The following MYO18B variants were observed in gnomAD, a reference collection of about 807,000 sequenced individuals.
MYO18B encodes the protein myosin XVIIIB.
A neutral mutation model predicts 273.0 loss-of-function variants in MYO18B; 204 were observed. The observed-to-expected ratio is 0.75, with a 90% confidence interval of 0.67 to 0.84. The LOEUF (loss-of-function observed/expected upper bound fraction) is 0.84. Among genes scored for constraint, MYO18B ranks in the 40% least tolerant of loss-of-function variants. MYO18B has a pLI of 0.00. For missense variants in MYO18B, 3,212 were observed against 3,287.6 expected (o/e 0.98, Z 0.56); for synonymous variants, 1,330 against 1,305.7 (o/e 1.02, Z -0.40).
chr22:25,988,840 CTG>C (rs1569268284), intron 39 of MYO18B, among the ~76,000 whole-genome samples: 1 of 152,194 alleles, frequency 6.6e-6, no homozygotes, highest in Non-Finnish European at 1.5e-5. Context: ...AGTGAGACAA[CTG>C]AGGGTCAGAG....
Position 26,027,640 on chromosome 22 carries a change from G to C in MYO18B, c.7666G>C (p.Asp2556His). The C allele has an allele frequency of 6.2e-7, 1 of 1,613,586 alleles. No individual in the cohort carries two copies. Among genetic ancestry groups the C allele is most frequent in the South Asian group, 1.1e-5 (1 of 90,982 alleles). Residue 2556 changes from aspartate to histidine, a missense_variant, in exon 43 of 44, where the codon GAT becomes CAT. Coordinates refer to ENST00000335473, the MANE Select transcript of MYO18B (RefSeq NM_032608.7). This position sits in a 1 kb window ranked among gnomAD's most constrained non-coding sequence, Gnocchi z 4.1. ...GCCAGGGACGGGGAGGAAAGACGAC[G>C]ATGTTGCGAGCATAATGAAGAAATA... ...REPGTGRKDDDVASIMKKYLQ... is the reference protein window; with the variant it reads ...REPGTGRKDDHVASIMKKYLQ...
chr22:25,868,831 G>A (rs1018768662), intron 22 of MYO18B, among the ~76,000 whole-genome samples: 2 of 152,206 alleles, frequency 1.3e-5, no homozygotes, highest in South Asian at 2.1e-4. Context: ...AGGAAAGCCC[G>A]TGATTATTCA....
At chr22:25,932,385 CTTTTCT>C (rs2092515899) in intron 34 of MYO18B, among the ~76,000 whole-genome samples, 2 of 135,954 alleles carry the variant, frequency 1.5e-5, no homozygotes, top group Non-Finnish European at 3.4e-5. Context: ...TTTCTCTTTT[CTTTTCT>C]TTTCTTTTTT....
At chr22:26,040,267 C>T in the MYO18B span, among the ~76,000 whole-genome samples, 3 of 152,114 alleles carry the variant, frequency 2.0e-5, no homozygotes, top group East Asian at 1.9e-4. Context: ...GGTCCATGTC[C>T]GCCCTTAGGT....
intron 3 of MYO18B, among the ~76,000 whole-genome samples, chr22:25,763,843 A>T (rs133888): frequency 6.6e-6 from 1 of 152,042 alleles, no homozygotes; most frequent in African/African-American, 2.4e-5. Flanking sequence ...GATTACTTGA[A>T]CACTATTTTT....
intron 21 of MYO18B, 44 bp from the exon 22 acceptor site, chr22:25,868,276 C>G (rs749774150): frequency 6.5e-7 from 1 of 1,528,502 alleles, no homozygotes; most frequent in Non-Finnish European, 8.9e-7. Flanking sequence ...TTAGGATCCT[C>G]CTACCTTCTA....
intron 7 of MYO18B, among the ~76,000 whole-genome samples, chr22:25,775,548 C>T (rs551296627): frequency 7.5e-4 from 114 of 152,310 alleles, no homozygotes; most frequent in African/African-American, 2.1e-3. Context: ...CAGTAACCTC[C>T]TGCCCTCTTC....
In MYO18B at chr22:25,798,073, C is replaced by T. The variant is rs1601725672; in HGVS notation, c.2497C>T (p.Leu833=). ...VWRVLAAIYH[L]GAAGACKVGR... ...GCGGGTCCTGGCAGCCATCTACCAC[C>T]TGGGTGCGGCGGGGGCCTGCAAAGG... The change falls in exon 12 of 44, where the codon CTG becomes TTG. Residue 833 remains leucine, a synonymous_variant. Coordinates refer to ENST00000335473, the MANE Select transcript of MYO18B (RefSeq NM_032608.7). The T allele has an allele frequency of 1.9e-6, 3 of 1,610,558 alleles. No individual in the cohort carries two copies.
intron 21 of MYO18B, among the ~76,000 whole-genome samples, chr22:25,858,564 C>T (rs541614579): frequency 1.3e-5 from 2 of 152,278 alleles, no homozygotes; most frequent in African/African-American, 4.8e-5. Flanking sequence ...ATATGCTTTT[C>T]GGGTACACTC....
At chr22:25,774,603 C>A (rs150301643) in intron 7 of MYO18B, among the ~76,000 whole-genome samples, 1 of 152,218 alleles carries the variant, frequency 6.6e-6, no homozygotes, top group African/African-American at 2.4e-5. Flanking sequence ...CCGCACCCTT[C>A]CCTCAAGTCT....
chr22:25,797,915 G>A (rs775882823), intron 11 of MYO18B, 38 bp from the exon 12 acceptor site: 10 of 1,613,716 alleles, frequency 6.2e-6, no homozygotes, highest in Admixed American at 3.3e-5. Context: ...TCTCCATCGC[G>A]ATGGCCTTGT....
chr22:25,967,496 T>G (rs1296949296), intron 39 of MYO18B, among the ~76,000 whole-genome samples: 1 of 152,192 alleles, frequency 6.6e-6, no homozygotes, highest in Non-Finnish European at 1.5e-5. Context: ...CTCTTTTTAC[T>G]GTTCTTTTTT....
At chr22:25,998,165 G>T (rs1933543093) in intron 40 of MYO18B, among the ~76,000 whole-genome samples, 2 of 152,174 alleles carry the variant, frequency 1.3e-5, no homozygotes, top group South Asian at 4.1e-4. Flanking sequence ...ATTTAAACGT[G>T]TGCTCTCCTG....
chr22:26,029,125 C>G (rs1219867620), intron 43 of MYO18B, among the ~76,000 whole-genome samples: 2 of 152,156 alleles, frequency 1.3e-5, no homozygotes, highest in African/African-American at 4.8e-5. Context: ...AAAGTTTTCC[C>G]TAGGGACACA....
At chr22:25,942,414 C>T (rs1471370291) in intron 34 of MYO18B, among the ~76,000 whole-genome samples, 2 of 152,358 alleles carry the variant, frequency 1.3e-5, no homozygotes, top group East Asian at 1.9e-4. Flanking sequence ...AAGAGGTTTC[C>T]GTTATAGCAC....
chr22:26,018,203 G>A (rs967985357), intron 42 of MYO18B, among the ~76,000 whole-genome samples: 9 of 152,086 alleles, frequency 5.9e-5, no homozygotes, highest in Non-Finnish European at 1.0e-4. Flanking sequence ...CCGACCTTAA[G>A]CATCAGAGAG....
At chr22:25,914,901 G>C (rs2092235194) in intron 33 of MYO18B, among the ~76,000 whole-genome samples, 1 of 151,188 alleles carries the variant, frequency 6.6e-6, no homozygotes, top group Non-Finnish European at 1.5e-5. Flanking sequence ...GTTTCACTGT[G>C]TTAGCCAGGA....
At chr22:25,831,736 T>C (rs2089714914) in intron 15 of MYO18B, among the ~76,000 whole-genome samples, 1 of 152,182 alleles carries the variant, frequency 6.6e-6, no homozygotes, top group Non-Finnish European at 1.5e-5. Flanking sequence ...ATTTGTTACT[T>C]CCAGCACCGA....
intron 31 of MYO18B, among the ~76,000 whole-genome samples, chr22:25,907,651 T>C (rs577922195): frequency 2.1e-4 from 32 of 152,298 alleles, no homozygotes; most frequent in African/African-American, 7.2e-4. Flanking sequence ...TCATACACTT[T>C]TGTCCTACCA....
Sources: allele counts gnomAD v4.1 joint callset (sites outside exome capture counted in the v4.1 genomes callset), GRCh38; gene constraint gnomAD v4.1.1; non-coding constraint Gnocchi (gnomAD v3.1); transcripts MANE v1.5; gene names NCBI Gene and HGNC (gene_info 2026-07-23, HGNC 2026-07-21).